The following PIK3AP1 variants were observed in gnomAD, a reference collection of about 807,000 sequenced individuals.
PIK3AP1 encodes phosphoinositide 3-kinase adapter protein 1.
PIK3AP1 carries 21 observed loss-of-function variants against 88.1 expected under a neutral mutation model. The ratio of observed to expected loss-of-function variants is 0.24; its 90% CI spans 0.17 to 0.34. The LOEUF (loss-of-function observed/expected upper bound fraction) is 0.34, where lower values mean the gene tolerates loss of function less well. Among genes scored for constraint, PIK3AP1 ranks in the 10% least tolerant of loss-of-function variants. The pLI is 1.00. For missense variants in PIK3AP1, 828 were observed against 1,035.7 expected (o/e 0.80, Z 2.75); for synonymous variants, 398 against 400.0 (o/e 1.00, Z 0.06).
rs7072986 is a variant in PIK3AP1, at chr10:96,694,920, G to A, written c.430+14647C>T. Among the ~76,000 whole-genome samples, 385 of 152,176 alleles carry A rather than the reference G, an allele frequency of 2.5e-3. 1 individual carries two copies. The highest frequency in any genetic ancestry group is 8.9e-3 in the African/African-American group (370 of 41,504). ...AAAGCTAGATTGTTTTGCAGAGTAT[G>A]GGCAAGTTTTAATCACATGCATGCC... On this transcript the variant is annotated intron_variant, in intron 2 of 16. Transcript: ENST00000339364.
Position 96,703,739 on chromosome 10 carries a change from G to A in PIK3AP1, c.430+5828C>T, listed in dbSNP as rs141017741. Among the ~76,000 whole-genome samples, 369 of 152,254 alleles carry A rather than the reference G, an allele frequency of 2.4e-3. 1 individual carries two copies. Among genetic ancestry groups the A allele is most frequent in the African/African-American group, 8.5e-3 (354 of 41,554 alleles). On this transcript the variant is annotated intron_variant, in intron 2 of 16. Coordinates refer to ENST00000339364, the MANE Select transcript of PIK3AP1 (RefSeq NM_152309.3). ...CTTCTATGCACAGGTATATATCACT[G>A]CAAACGTTTTGGAACTAAACTGAAT...
intron 13 of PIK3AP1, among the ~76,000 whole-genome samples, chr10:96,610,116 G>A (rs765557961): frequency 6.6e-6 from 1 of 152,114 alleles, no homozygotes; most frequent in Non-Finnish European, 1.5e-5. Flanking sequence ...TGTGAGAAAG[G>A]GACAGAGAAG....
At chr10:96,674,154 C>T (rs984060721) in intron 2 of PIK3AP1, among the ~76,000 whole-genome samples, 4 of 152,196 alleles carry the variant, frequency 2.6e-5, no homozygotes, top group Non-Finnish European at 4.4e-5. Flanking sequence ...ATTAAAACTC[C>T]TTTAACCCAG....
At chr10:96,626,666 G>A (rs765582774) in intron 10 of PIK3AP1, 42 bp downstream of exon 10, 4 of 1,590,072 alleles carry the variant, frequency 2.5e-6, no homozygotes, top group Non-Finnish European at 1.7e-6. Context: ...CTGTTGAGAA[G>A]CTCCAAAGAC....
intron 2 of PIK3AP1, among the ~76,000 whole-genome samples, chr10:96,699,683 C>T (rs1448589698): frequency 1.3e-5 from 2 of 152,162 alleles, no homozygotes; most frequent in African/African-American, 4.8e-5. Flanking sequence ...GCTCTGATTT[C>T]TACATAAGGC....
intron 2 of PIK3AP1, among the ~76,000 whole-genome samples, chr10:96,703,437 T>C (rs1406240601): frequency 6.6e-6 from 1 of 152,046 alleles, no homozygotes; most frequent in Non-Finnish European, 1.5e-5. Flanking sequence ...ATAAATAATA[T>C]TGGGAGAATT....
At chr10:96,677,561 C>T (rs1843940004) in intron 2 of PIK3AP1, among the ~76,000 whole-genome samples, 1 of 146,730 alleles carries the variant, frequency 6.8e-6, no homozygotes, top group African/African-American at 2.6e-5. Context: ...TTGCTAACTA[C>T]CTCCTCACTA....
chr10:96,691,057 A>G (rs1202904773), intron 2 of PIK3AP1, among the ~76,000 whole-genome samples: 3 of 152,132 alleles, frequency 2.0e-5, no homozygotes, highest in East Asian at 1.9e-4. Flanking sequence ...CTGAGGACCA[A>G]CTGCACCCGT....
Position 96,636,553 on chromosome 10 carries a change from G to T in PIK3AP1, c.1376-8060C>A, listed in dbSNP as rs531178439. On this transcript the variant is annotated intron_variant, in intron 8 of 16. Coordinates refer to ENST00000339364, the MANE Select transcript of PIK3AP1 (RefSeq NM_152309.3). ...TTCTAGACAAAGAGCATTTTGGGAG[G>T]GAAATCAGAACAAATCCCTGCATTC... Among the ~76,000 whole-genome samples the T allele has an allele frequency of 2.6e-4, 39 of 152,274 alleles. 1 individual carries two copies. The South Asian group carries it at 7.9e-3, about 31-fold the overall frequency.
intron 6 of PIK3AP1, among the ~76,000 whole-genome samples, chr10:96,650,240 G>A (rs888424399): frequency 6.6e-6 from 1 of 152,212 alleles, no homozygotes; most frequent in African/African-American, 2.4e-5. Flanking sequence ...CGAAAGTCAT[G>A]TAAACTCACC....
chr10:96,646,422 T>C (rs1194980492), intron 7 of PIK3AP1, among the ~76,000 whole-genome samples: 1 of 152,074 alleles, frequency 6.6e-6, no homozygotes. Context: ...AAAAATCTAG[T>C]ATCTTACTCA....
At chr10:96,673,243 T>G (rs1160362816) in intron 2 of PIK3AP1, among the ~76,000 whole-genome samples, 1 of 152,228 alleles carries the variant, frequency 6.6e-6, no homozygotes, top group African/African-American at 2.4e-5. Flanking sequence ...GTAAATGGGC[T>G]GCACAAAAAC....
At chr10:96,647,899 A>G (rs930761678) in intron 7 of PIK3AP1, among the ~76,000 whole-genome samples, 8 of 152,200 alleles carry the variant, frequency 5.3e-5, no homozygotes, top group Non-Finnish European at 8.8e-5. Flanking sequence ...CCTAGGCATC[A>G]GAGGCAATAT....
chr10:96,704,675 C>T (rs1005090370), intron 2 of PIK3AP1, among the ~76,000 whole-genome samples: 4 of 151,260 alleles, frequency 2.6e-5, no homozygotes, highest in Admixed American at 1.3e-4. Context: ...GCCGAGATTG[C>T]GCCACTGTAT....
At chr10:96,628,583 C>T (rs1843185142) in intron 8 of PIK3AP1, 90 bp from the exon 9 acceptor site, 2 of 1,041,412 alleles carry the variant, frequency 1.9e-6, no homozygotes, top group Non-Finnish European at 3.0e-6. Flanking sequence ...TTTGGCAACT[C>T]TCTTAAGAGA....
At chr10:96,661,967 A>C (rs1589522989) in intron 2 of PIK3AP1, among the ~76,000 whole-genome samples, 1 of 152,256 alleles carries the variant, frequency 6.6e-6, no homozygotes, top group East Asian at 1.9e-4. Flanking sequence ...CAAAATAAAT[A>C]AACAAATTTT....
At chr10:96,707,290 T>TTTTG (rs1034272478) in intron 2 of PIK3AP1, among the ~76,000 whole-genome samples, 14 of 152,110 alleles carry the variant, frequency 9.2e-5, no homozygotes, top group South Asian at 2.1e-4. Context: ...CACTACTGTT[T>TTTTG]TTTGTTTGTT....
intron 8 of PIK3AP1, among the ~76,000 whole-genome samples, chr10:96,641,948 C>T (rs1317751226): frequency 6.6e-6 from 1 of 152,148 alleles, no homozygotes; most frequent in Admixed American, 6.5e-5. Context: ...AATTAAGCTG[C>T]CTTGTCACCT....
Position 96,641,529 on chromosome 10 carries a change from C to A in PIK3AP1, c.1375+3944G>T, listed in dbSNP as rs558520477. 8.5e-5 allele frequency among the ~76,000 whole-genome samples: 13 copies of A among 152,218 alleles called. No homozygotes were observed. In the South Asian group the frequency reaches 2.7e-3, roughly 32 times the overall value. On this transcript the variant is annotated intron_variant, in intron 8 of 16. Coordinates refer to ENST00000339364, the MANE Select transcript of PIK3AP1 (RefSeq NM_152309.3). ...AGGGTTACCACAGTCAATGGTGGGGCACTGATAAACGTGGCAATCTAGACA... is the reference window on the plus strand; with the variant it reads ...AGGGTTACCACAGTCAATGGTGGGGAACTGATAAACGTGGCAATCTAGACA...
Sources: allele counts gnomAD v4.1 joint callset (sites outside exome capture counted in the v4.1 genomes callset), GRCh38; gene constraint gnomAD v4.1.1; transcripts MANE v1.5; gene names NCBI Gene and HGNC (gene_info 2026-07-23, HGNC 2026-07-21).